SPARCL1: variants seen among roughly 807,000 people sequenced by gnomAD.
SPARCL1 encodes SPARC like 1, also known as SPARC-like protein 1.
Under a neutral mutation model 67.1 loss-of-function variants are expected in SPARCL1, and 52 were observed. That is an observed-to-expected ratio of 0.78 (90% CI 0.62 to 0.98). The LOEUF (loss-of-function observed/expected upper bound fraction) is 0.98, where lower values mean the gene tolerates loss of function less well. Among genes scored for constraint, SPARCL1 ranks in the 50% least tolerant of loss-of-function variants. The pLI is 0.00. For missense variants in SPARCL1, 717 were observed against 782.4 expected (o/e 0.92, Z 1.00); for synonymous variants, 226 against 267.8 (o/e 0.84, Z 1.52).
intron 1 of SPARCL1, among the ~76,000 whole-genome samples, chr4:87,524,178 C>T (rs1725940316): frequency 6.6e-6 from 1 of 152,154 alleles, no homozygotes; most frequent in East Asian, 1.9e-4. Context: ...ATACTTTTTA[C>T]CCTGGTGTTA....
At chr4:87,506,829 C>A (rs1217529392) in intron 1 of SPARCL1, among the ~76,000 whole-genome samples, 1 of 150,498 alleles carries the variant, frequency 6.6e-6, no homozygotes, top group Non-Finnish European at 1.5e-5. Flanking sequence ...ATCTATCTAC[C>A]TACCTACCTA....
intron 6 of SPARCL1, 90 bp from the exon 7 acceptor site, chr4:87,490,483 C>A: frequency 7.0e-7 from 1 of 1,429,350 alleles, no homozygotes; most frequent in Non-Finnish European, 9.4e-7. Flanking sequence ...CTGATAACAG[C>A]GCTGTGCCAA....
chr4:87,507,640 A>T (rs1485827216), intron 1 of SPARCL1, among the ~76,000 whole-genome samples: 1 of 152,232 alleles, frequency 6.6e-6, no homozygotes, highest in Non-Finnish European at 1.5e-5. Context: ...TGTCATCAAC[A>T]TGCAAGCAAT....
At chr4:87,478,555 A>G (rs1308806237) in intron 10 of SPARCL1, among the ~76,000 whole-genome samples, 1 of 151,372 alleles carries the variant, frequency 6.6e-6, no homozygotes. Context: ...CTCCTGCCTC[A>G]GCCTCCCGAG....
chr4:87,492,929 A>G (rs1724414628), intron 4 of SPARCL1, among the ~76,000 whole-genome samples: 1 of 152,220 alleles, frequency 6.6e-6, no homozygotes, highest in African/African-American at 2.4e-5. Context: ...AACTAATTCA[A>G]CAAACATTGT....
intron 7 of SPARCL1, among the ~76,000 whole-genome samples, chr4:87,484,704 A>G (rs1415986127): frequency 6.6e-6 from 1 of 152,190 alleles, no homozygotes; most frequent in African/African-American, 2.4e-5. Context: ...GATTCTTCCT[A>G]TCCATGAGCA....
intron 1 of SPARCL1, among the ~76,000 whole-genome samples, chr4:87,527,175 T>C (rs2110273401): frequency 6.6e-6 from 1 of 152,332 alleles, no homozygotes; most frequent in Middle Eastern, 3.4e-3. Context: ...AAAGCCAGGC[T>C]AGCCCTAGGT....
intron 1 of SPARCL1, among the ~76,000 whole-genome samples, chr4:87,508,522 C>T (rs1372734234): frequency 6.6e-6 from 1 of 152,032 alleles, no homozygotes; most frequent in African/African-American, 2.4e-5. Context: ...CTCCATGCAA[C>T]ATTCCTTCCT....
chr4:87,485,882 G>A (rs1724035839), intron 7 of SPARCL1, among the ~76,000 whole-genome samples: 2 of 152,062 alleles, frequency 1.3e-5, no homozygotes, highest in Non-Finnish European at 2.9e-5. Flanking sequence ...TCTGATGGTA[G>A]TTTGTATTTC....
intron 6 of SPARCL1, 119 bp from the exon 7 acceptor site, chr4:87,490,512 G>T (rs902866578): frequency 5.9e-6 from 7 of 1,195,732 alleles, no homozygotes; most frequent in Non-Finnish European, 8.1e-6. Context: ...TCAGGTAGGT[G>T]AGACTATTAA....
intron 1 of SPARCL1, among the ~76,000 whole-genome samples, chr4:87,504,182 TG>T (rs758105392): frequency 8.5e-3 from 178 of 20,954 alleles, no homozygotes; most frequent in Admixed American, 0.013. Flanking sequence ...TGTGTGTGTG[TG>T]GTGGGGTGGG....
At chr4:87,508,889 G>GTATATATATATATATATATA (rs142792848) in intron 1 of SPARCL1, among the ~76,000 whole-genome samples, 63 of 138,346 alleles carry the variant, frequency 4.6e-4, no homozygotes, top group South Asian at 1.2e-3. Context: ...ATGTATATAA[G>GTATATATATATATATATATA]TATATATATA....
intron 1 of SPARCL1, among the ~76,000 whole-genome samples, chr4:87,521,091 T>C (rs950161391): frequency 6.6e-6 from 1 of 152,248 alleles, no homozygotes. Context: ...TCAGTTTCTA[T>C]GATATTTCCT....
chr4:87,507,344 GCATGATCTCA>G (rs532704201), intron 1 of SPARCL1, among the ~76,000 whole-genome samples: 363 of 152,218 alleles, frequency 2.4e-3, no homozygotes, highest in African/African-American at 8.2e-3. Context: ...TAATCTGTCC[GCATGATCTCA>G]CATGATCTCA....
chr4:87,478,644 G>A (rs1338464443), intron 10 of SPARCL1, among the ~76,000 whole-genome samples: 3 of 151,880 alleles, frequency 2.0e-5, no homozygotes, highest in African/African-American at 7.3e-5. Context: ...CACCATGTTG[G>A]CCAGGCTAGT....
intron 2 of SPARCL1, among the ~76,000 whole-genome samples, chr4:87,498,038 T>A (rs1560821072): frequency 6.6e-6 from 1 of 152,272 alleles, no homozygotes; most frequent in East Asian, 1.9e-4. Flanking sequence ...GGATTATAGG[T>A]AGGAGCCACT....
At chr4:87,482,293 T>TG (rs1375640809) in intron 8 of SPARCL1, 131 bp downstream of exon 8, 8 of 908,144 alleles carry the variant, frequency 8.8e-6, no homozygotes, top group Non-Finnish European at 1.3e-5. Context: ...TTAAGCCACA[T>TG]GGGCTAACCG....
chr4:87,488,934 T>TC (rs60614311), intron 7 of SPARCL1, among the ~76,000 whole-genome samples: 3 of 151,752 alleles, frequency 2.0e-5, no homozygotes, highest in African/African-American at 4.8e-5. Flanking sequence ...TGGATGCCCC[T>TC]CCCCCCCACC....
At chr4:87,507,998 C>T (rs557600278) in intron 1 of SPARCL1, among the ~76,000 whole-genome samples, 1 of 152,334 alleles carries the variant, frequency 6.6e-6, no homozygotes, top group East Asian at 1.9e-4. Flanking sequence ...CTGCCAAGCC[C>T]TCCCCGGAAC....
Sources: gnomAD v4.1 joint callset for allele counts (sites outside exome capture counted in the v4.1 genomes callset) on GRCh38, gnomAD v4.1.1 for gene constraint, MANE v1.5 for transcripts, NCBI Gene and HGNC (gene_info 2026-07-23, HGNC 2026-07-21) for gene names.